Variants in PUS7 observed in about 807,000 individuals in gnomAD.
PUS7 encodes pseudouridine synthase 7.
Under a neutral mutation model 79.8 loss-of-function variants are expected in PUS7, and 48 were observed. The observed-to-expected ratio is 0.60, with a 90% confidence interval of 0.48 to 0.76. The LOEUF (loss-of-function observed/expected upper bound fraction) is 0.76. Ranked by LOEUF, PUS7 falls within the 30% of genes least tolerant of loss-of-function variation. The pLI, the probability that PUS7 is intolerant of heterozygous loss-of-function variation, is 0.00. For missense variants in PUS7, 729 were observed against 797.6 expected (o/e 0.91, Z 1.04); for synonymous variants, 286 against 272.2 (o/e 1.05, Z -0.50).
At chr7:105,497,004 G>T in intron 5 of PUS7, 1 of 1,185,902 alleles carries the variant, frequency 8.4e-7, no homozygotes, top group Non-Finnish European at 1.1e-6. Flanking sequence ...GAGCACAAAA[G>T]AGCAATGTTT....
At chr7:105,475,385 C>T (rs1824056604) in intron 9 of PUS7, among the ~76,000 whole-genome samples, 1 of 152,018 alleles carries the variant, frequency 6.6e-6, no homozygotes, top group Non-Finnish European at 1.5e-5. Context: ...TGGGGTTTCA[C>T]TGTGTTAGCC....
At chr7:105,475,678 T>C (rs778455715) in intron 9 of PUS7, among the ~76,000 whole-genome samples, 29 of 152,302 alleles carry the variant, frequency 1.9e-4, no homozygotes, top group Middle Eastern at 3.4e-3. Context: ...TTTTATTTTA[T>C]TGTGGTAAAA....
chr7:105,494,833 T>G (rs1824940404), intron 6 of PUS7, among the ~76,000 whole-genome samples: 2 of 151,906 alleles, frequency 1.3e-5, no homozygotes, highest in South Asian at 4.2e-4. Context: ...AAAATTAGCC[T>G]GGCATTGTGG....
intron 1 of PUS7, among the ~76,000 whole-genome samples, chr7:105,511,237 GT>G (rs1351136164): frequency 2.6e-5 from 4 of 151,022 alleles, no homozygotes; most frequent in Non-Finnish European, 5.9e-5. Context: ...GCTTCACCAT[GT>G]TGGCCAGGCT....
At chr7:105,481,982 G>A (rs1180075527) in intron 8 of PUS7, among the ~76,000 whole-genome samples, 1 of 152,152 alleles carries the variant, frequency 6.6e-6, no homozygotes, top group African/African-American at 2.4e-5. Context: ...CACCTGCCAA[G>A]GCCTCCCAAA....
In PUS7 at chr7:105,462,666, G is replaced by A; in HGVS notation, c.1712C>T (p.Ser571Leu). 2 of 1,613,862 alleles carry A rather than the reference G, an allele frequency of 1.2e-6. No individual in the cohort carries two copies. Among genetic ancestry groups the A allele is most frequent in the Non-Finnish European group, 1.7e-6 (2 of 1,179,928 alleles). ...AATAATGATCTTTCGGTAGGCCCCT[G>A]ACAAGGAATAATCTCGAATTTTGTG... ...MRHKIRDYSLSGAYRKIIIRP... is the reference protein window; with the variant it reads ...MRHKIRDYSLLGAYRKIIIRP... Residue 571 changes from serine (S) to leucine (L), a missense_variant, in exon 14 of 16, where the codon TCA (serine) becomes TTA (leucine). Coordinates refer to ENST00000469408, the MANE Select transcript of PUS7 (RefSeq NM_019042.5).
Position 105,508,175 on chromosome 7 carries a change from T to A in PUS7, c.338A>T (p.Asp113Val). 4 of 1,614,218 alleles carry A rather than the reference T, an allele frequency of 2.5e-6. No individual in the cohort carries two copies. The highest frequency in any genetic ancestry group is 3.4e-6 in the Non-Finnish European group (4 of 1,180,044). Residue 113 changes from aspartate (D) to valine (V), a missense_variant, in exon 2 of 16, where the codon GAC (aspartate) becomes GTC (valine). Asp to Val is a radical substitution (Grantham distance 152, BLOSUM62 -3). Transcript: ENST00000469408. ...ACTCACAAACTTGGTGATGCCTACGTCAGCCTCAGTGAGTCCATGCTTCAT... is the reference window on the plus strand; with the variant it reads ...ACTCACAAACTTGGTGATGCCTACGACAGCCTCAGTGAGTCCATGCTTCAT... ...DMMKHGLTEA[D>V]VGITKFVSSH...
At chr7:105,460,969 G>A (rs1398573054) in intron 14 of PUS7, among the ~76,000 whole-genome samples, 1 of 151,930 alleles carries the variant, frequency 6.6e-6, no homozygotes, top group Non-Finnish European at 1.5e-5. Context: ...CCAGGCTCAA[G>A]CAATCCTCCC....
At chr7:105,474,951 T>C (rs918228336) in intron 9 of PUS7, among the ~76,000 whole-genome samples, 28 of 152,208 alleles carry the variant, frequency 1.8e-4, no homozygotes, top group Non-Finnish European at 3.5e-4. Context: ...GCTCAGTACC[T>C]GCAACAAATA....
At chr7:105,509,550 A>G (rs1825627084) in intron 1 of PUS7, among the ~76,000 whole-genome samples, 1 of 152,166 alleles carries the variant, frequency 6.6e-6, no homozygotes, top group Non-Finnish European at 1.5e-5. Context: ...AGCTCACTGC[A>G]AACTCCAACT....
chr7:105,473,706 A>G (rs1251384501), intron 9 of PUS7, among the ~76,000 whole-genome samples: 1 of 152,084 alleles, frequency 6.6e-6, no homozygotes, highest in South Asian at 2.1e-4. Context: ...GGCATGTACC[A>G]CTGTGCCCGG....
rs943131072 is a variant in PUS7, at chr7:105,457,498, A to G, written c.*292T>C. 4.7e-6 allele frequency: 1 copy of G among 211,918 alleles called. No individual in the cohort carries two copies. Among genetic ancestry groups the G allele is most frequent in the African/African-American group, 2.3e-5 (1 of 43,336 alleles). The allele number at this position is 211,918 out of a possible 1,614,324, so 13.1% of individuals were successfully genotyped here. ...TAGCAAAACCTAAACCTGCTACTTTAAACCAAAGTCCTTTTTTTATTATTG... is the reference window on the plus strand; with the variant it reads ...TAGCAAAACCTAAACCTGCTACTTTGAACCAAAGTCCTTTTTTTATTATTG... On this transcript the variant is annotated 3_prime_UTR_variant, in exon 16 of 16. Transcript: ENST00000469408.
At chr7:105,508,823 G>C (rs1283335502) in intron 1 of PUS7, among the ~76,000 whole-genome samples, 3 of 125,118 alleles carry the variant, frequency 2.4e-5, no homozygotes, top group Non-Finnish European at 4.7e-5. Flanking sequence ...AGTGAGTTAA[G>C]ATAGTGCCAC....
chr7:105,457,020 A>G lies in PUS7; in HGVS notation c.*770T>C, dbSNP rs192285168. ...GTGGTGCGCGCCTGTACTCCCAGCTACTTAGGAGGCTGAGGTGGGAGAGTC... is the reference window on the plus strand; with the variant it reads ...GTGGTGCGCGCCTGTACTCCCAGCTGCTTAGGAGGCTGAGGTGGGAGAGTC... On this transcript the variant is annotated 3_prime_UTR_variant, in exon 16 of 16. Transcript: ENST00000469408. 4 of 152,176 alleles carry G rather than the reference A, an allele frequency of 2.6e-5. No homozygotes were observed. The highest frequency in any genetic ancestry group is 7.2e-5 in the African/African-American group (3 of 41,426). 9.4% of individuals were successfully genotyped at this position (152,176 alleles called of 1,614,324 possible).
intron 2 of PUS7, among the ~76,000 whole-genome samples, chr7:105,507,905 T>G (rs1411936104): frequency 6.6e-6 from 1 of 151,824 alleles, no homozygotes; most frequent in Non-Finnish European, 1.5e-5. Context: ...AGTGAGACCC[T>G]CTCTCAAAAA....
At chr7:105,512,548 C>T (rs1825743537) in intron 1 of PUS7, among the ~76,000 whole-genome samples, 2 of 152,152 alleles carry the variant, frequency 1.3e-5, no homozygotes, top group Admixed American at 6.6e-5. Context: ...TTTGGGGTCA[C>T]AGGTACAGCA....
chr7:105,488,599 C>T (rs1824647880), intron 7 of PUS7, among the ~76,000 whole-genome samples: 2 of 151,920 alleles, frequency 1.3e-5, no homozygotes. Context: ...CAGCAAGAAA[C>T]GAGAAACAAT....
chr7:105,507,108 T>G (rs1825495941), intron 2 of PUS7, among the ~76,000 whole-genome samples: 1 of 151,586 alleles, frequency 6.6e-6, no homozygotes, highest in Non-Finnish European at 1.5e-5. Flanking sequence ...TGCAGTGGCT[T>G]GATCTTGGCT....
At chr7:105,505,003 A>ATTTTTTTT (rs112752687) in intron 4 of PUS7, among the ~76,000 whole-genome samples, 12 of 142,674 alleles carry the variant, frequency 8.4e-5, no homozygotes, top group South Asian at 6.9e-4. Context: ...ATTTAACATA[A>ATTTTTTTT]TTTTTTTTTT....
Sources: allele counts gnomAD v4.1 joint callset (sites outside exome capture counted in the v4.1 genomes callset), GRCh38; gene constraint gnomAD v4.1.1; transcripts MANE v1.5; gene names NCBI Gene and HGNC (gene_info 2026-07-23, HGNC 2026-07-21).